DCAF8L2: variants seen among roughly 807,000 people sequenced by gnomAD.
The protein encoded by DCAF8L2 is DDB1- and CUL4-associated factor 8-like protein 2.
For synonymous variants in DCAF8L2, 200 were observed against 190.9 expected (o/e 1.05, Z -0.39); for missense variants, 430 against 490.7 (o/e 0.88, Z 1.17).
At chrX:27,705,959 T>G (rs1931330015) in intron 3 of DCAF8L2, among the ~76,000 whole-genome samples, 1 of 111,679 alleles carries the variant, frequency 9.0e-6, no homozygotes, top group Non-Finnish European at 1.9e-5. Flanking sequence ...CTTGAGTTGA[T>G]TTTTTGTATG....
chrX:27,531,853 T>C, the DCAF8L2 span, among the ~76,000 whole-genome samples: 1 of 111,211 alleles, frequency 9.0e-6, no homozygotes, highest in African/African-American at 3.3e-5. Context: ...TAGGGATAGA[T>C]AACAGGCATT....
At chrX:27,584,593 C>T in the DCAF8L2 span, among the ~76,000 whole-genome samples, 1 of 110,797 alleles carries the variant, frequency 9.0e-6, no homozygotes, top group Non-Finnish European at 1.9e-5. Flanking sequence ...GTTTGCACTA[C>T]ACTAGTAATC....
intron 3 of DCAF8L2, among the ~76,000 whole-genome samples, chrX:27,684,641 G>A (rs1323803685): frequency 4.5e-5 from 5 of 111,645 alleles, no homozygotes; most frequent in African/African-American, 1.6e-4. Flanking sequence ...ATGGAACCAT[G>A]TATCATGAAT....
intron 1 of DCAF8L2, among the ~76,000 whole-genome samples, chrX:27,605,719 T>C (rs1248585219): frequency 8.9e-6 from 1 of 111,794 alleles, no homozygotes; most frequent in Non-Finnish European, 1.9e-5. Context: ...CTGAATAATC[T>C]TGTACTTCAT....
At chrX:27,547,636 A>G in the DCAF8L2 span, among the ~76,000 whole-genome samples, 1 of 110,690 alleles carries the variant, frequency 9.0e-6, no homozygotes, top group African/African-American at 3.3e-5. Context: ...TTATAAAACC[A>G]TCATATCTCA....
the DCAF8L2 span, among the ~76,000 whole-genome samples, chrX:27,557,269 C>A: frequency 4.5e-5 from 5 of 111,937 alleles, no homozygotes; most frequent in Non-Finnish European, 9.4e-5. Flanking sequence ...AGGATCTGAT[C>A]CAACAACTTT....
chrX:27,515,962 C>T, the DCAF8L2 span, among the ~76,000 whole-genome samples: 3 of 112,210 alleles, frequency 2.7e-5, no homozygotes, highest in South Asian at 7.4e-4. Context: ...TTAAATGCAA[C>T]CTTTCTTTTT....
intron 4 of DCAF8L2, among the ~76,000 whole-genome samples, chrX:27,722,414 G>T (rs1250451090): frequency 1.8e-5 from 2 of 111,300 alleles, no homozygotes; most frequent in Non-Finnish European, 3.8e-5. Context: ...TATTAAATGT[G>T]CTCGAAGCTC....
chrX:27,734,485 G>A (rs1482013693), intron 4 of DCAF8L2, among the ~76,000 whole-genome samples: 2 of 111,874 alleles, frequency 1.8e-5, no homozygotes, highest in Non-Finnish European at 3.8e-5. Context: ...ATATTTCAAA[G>A]TCTGAAGTAT....
chrX:27,696,683 T>G (rs16987965), intron 3 of DCAF8L2, among the ~76,000 whole-genome samples: 5,379 of 111,749 alleles, frequency 0.048, 331 homozygotes, highest in African/African-American at 0.17. Context: ...TTACTTTTCC[T>G]CCAAAATATT....
intron 2 of DCAF8L2, among the ~76,000 whole-genome samples, chrX:27,673,092 C>A (rs1930007385): frequency 1.1e-5 from 1 of 91,531 alleles, no homozygotes; most frequent in African/African-American, 3.9e-5. Flanking sequence ...CAGTAATATG[C>A]ACACACTACT....
At chrX:27,562,283 T>A in the DCAF8L2 span, among the ~76,000 whole-genome samples, 1 of 112,671 alleles carries the variant, frequency 8.9e-6, no homozygotes, top group African/African-American at 3.2e-5. Context: ...CTAGGGCATT[T>A]CTAGTGCATT....
the DCAF8L2 span, among the ~76,000 whole-genome samples, chrX:27,514,198 A>G: frequency 1.0e-4 from 8 of 79,017 alleles, no homozygotes; most frequent in South Asian, 2.7e-3. Flanking sequence ...GTGCACACAT[A>G]TGTACATGTA....
the DCAF8L2 span, among the ~76,000 whole-genome samples, chrX:27,511,728 G>A: frequency 2.1e-3 from 231 of 111,754 alleles, 4 homozygotes; most frequent in Admixed American, 0.019. Context: ...TAAAAGTGGC[G>A]ATAATTTTAC....
At chrX:27,646,678 C>G (rs1928951148) in intron 2 of DCAF8L2, among the ~76,000 whole-genome samples, 1 of 110,755 alleles carries the variant, frequency 9.0e-6, no homozygotes, top group Non-Finnish European at 1.9e-5. Context: ...TGTTTAATAT[C>G]CAGGATCTAT....
the DCAF8L2 span, among the ~76,000 whole-genome samples, chrX:27,469,185 A>G: frequency 8.9e-6 from 1 of 112,219 alleles, no homozygotes; most frequent in East Asian, 2.8e-4. Context: ...TTAGGCACTG[A>G]CTTTCAGTGC....
In DCAF8L2 at chrX:27,748,485, C is replaced by T. The variant is rs1184619856; in HGVS notation, c.1590C>T (p.Cys530=). 2 of 1,208,077 alleles carry T rather than the reference C, an allele frequency of 1.7e-6. No individual in the cohort carries two copies. Among genetic ancestry groups the T allele is most frequent in the African/African-American group, 1.8e-5 (1 of 57,083 alleles). Residue 530 remains cysteine, a synonymous_variant, in exon 5 of 5, where the codon TGC becomes TGT. Coordinates refer to ENST00000451261, the MANE Select transcript of DCAF8L2 (RefSeq NM_001353450.2). ...ACCCTTACCTACCTGTGTTGGCGTG[C>T]AGTGGCCTAGATCATGATGTCAAGA... ...EPHPYLPVLA[C]SGLDHDVKIW...
the DCAF8L2 span, among the ~76,000 whole-genome samples, chrX:27,498,484 A>C: frequency 8.9e-6 from 1 of 112,810 alleles, no homozygotes; most frequent in African/African-American, 3.2e-5. Flanking sequence ...TTTGCTGTAC[A>C]TATATATTGT....
intron 4 of DCAF8L2, among the ~76,000 whole-genome samples, chrX:27,739,009 CTT>C (rs1360638504): frequency 9.0e-6 from 1 of 110,986 alleles, no homozygotes; most frequent in Non-Finnish European, 1.9e-5. Context: ...CTATTTAAGA[CTT>C]TCAGAAATTT....
Sources: allele counts gnomAD v4.1 joint callset (sites outside exome capture counted in the v4.1 genomes callset), GRCh38; gene constraint gnomAD v4.1.1; transcripts MANE v1.5; gene names NCBI Gene and HGNC (gene_info 2026-07-23, HGNC 2026-07-21).